UBE2QL1: variants seen among roughly 807,000 people sequenced by gnomAD.
UBE2QL1 encodes the protein ubiquitin conjugating enzyme E2 QL1, also known as ubiquitin-conjugating enzyme E2Q-like protein 1.
UBE2QL1 carries 5 observed loss-of-function variants against 12.6 expected under a neutral mutation model. The observed-to-expected ratio is 0.40, with a 90% CI of 0.21 to 0.83. UBE2QL1 has a LOEUF of 0.83. Among genes scored for constraint, UBE2QL1 ranks in the 40% least tolerant of loss-of-function variants. UBE2QL1 has a pLI of 0.37. For missense variants in UBE2QL1, 99 were observed against 222.6 expected, an observed-to-expected ratio of 0.44 and a Z score of 3.53; for synonymous variants, 96 against 94.5, an observed-to-expected ratio of 1.02 and a Z score of -0.10.
At chr5:6,466,676 T>G (rs1739802687) in intron 1 of UBE2QL1, among the ~76,000 whole-genome samples, 1 of 152,188 alleles carries the variant, frequency 6.6e-6, no homozygotes, top group African/African-American at 2.4e-5. Flanking sequence ...GTCAGGAAAG[T>G]GGACATTTTT....
chr5:6,480,611 C>T (rs1351723891), intron 1 of UBE2QL1, among the ~76,000 whole-genome samples: 3 of 152,190 alleles, frequency 2.0e-5, no homozygotes, highest in African/African-American at 4.8e-5. Flanking sequence ...CGCTTGCTTC[C>T]TCCAAGAAAG....
In UBE2QL1 at chr5:6,491,459, G is replaced by C; in HGVS notation, c.*110G>C. 2 of 1,371,864 alleles carry C rather than the reference G, an allele frequency of 1.5e-6. No individual in the cohort carries two copies. Among genetic ancestry groups the C allele is most frequent in the Non-Finnish European group, 1.9e-6 (2 of 1,043,136 alleles). The allele number at this position is 1,371,864 out of a possible 1,614,324, so 85.0% of individuals were successfully genotyped here. A position where few individuals can be genotyped will look rare whatever the true frequency, so the allele number is the denominator to read the frequency against. Reference sequence around the variant, plus strand: ...ACCCGTTTTTACTCCAGCCAGAACTGCATCCTGAATGCCCAGGAGACGTTT... The same window carrying C: ...ACCCGTTTTTACTCCAGCCAGAACTCCATCCTGAATGCCCAGGAGACGTTT... On this transcript the variant is annotated 3_prime_UTR_variant, in exon 2 of 2. Coordinates refer to ENST00000399816, the MANE Select transcript of UBE2QL1 (RefSeq NM_001145161.3).
chr5:6,464,920 G>A (rs1739753007), intron 1 of UBE2QL1, among the ~76,000 whole-genome samples: 1 of 152,038 alleles, frequency 6.6e-6, no homozygotes, highest in Admixed American at 6.5e-5. Context: ...GCACCCTCAT[G>A]TATGACTACA....
chr5:6,450,969 G>T (rs1739400556), intron 1 of UBE2QL1, among the ~76,000 whole-genome samples: 1 of 152,212 alleles, frequency 6.6e-6, no homozygotes, highest in African/African-American at 2.4e-5. Context: ...TTTCAAACAG[G>T]ATTTATACAA....
chr5:6,470,629 G>A (rs1034023138), intron 1 of UBE2QL1, among the ~76,000 whole-genome samples: 33 of 152,160 alleles, frequency 2.2e-4, no homozygotes, highest in Non-Finnish European at 4.4e-4. Context: ...AAGGTCCCTG[G>A]ACATATTCCT....
chr5:6,495,891 G>A lies in UBE2QL1; in HGVS notation c.*4542G>A, dbSNP rs76413512. The stretch of plus-strand genomic sequence containing the variant: ...GTATTAAATATCATTTTTAAGCCCA[G>A]GGCCTGTCTGATCCACAGAATGTGG... On this transcript the variant is annotated 3_prime_UTR_variant, in exon 2 of 2. Coordinates refer to ENST00000399816, the MANE Select transcript of UBE2QL1 (RefSeq NM_001145161.3). Among the ~76,000 whole-genome samples, 3,022 of 152,262 alleles carry A rather than the reference G, an allele frequency of 0.02. 92 individuals are homozygous for A. Among genetic ancestry groups the A allele is most frequent in the African/African-American group, 0.068 (2,828 of 41,524 alleles).
rs947660300 is a variant in UBE2QL1 at position 6,478,973 on chromosome 5, G to T, written c.355-12245G>T. ...CTCAGGGGCTTCATCCTTCCTAGGA[G>T]TGAGGAAGGCCAGGCCTCATGACAG... is the stretch of plus-strand genomic sequence containing the variant. On this transcript the variant is annotated intron_variant, in intron 1 of 1. Transcript: ENST00000399816. This position sits in a 1 kb window ranked among gnomAD's most constrained non-coding sequence, Gnocchi z 4.5. Among the ~76,000 whole-genome samples the T allele has an allele frequency of 1.3e-5, 2 of 152,180 alleles. No individual in the cohort carries two copies. The highest frequency in any genetic ancestry group is 2.9e-5 in the Non-Finnish European group (2 of 68,044).
intron 1 of UBE2QL1, among the ~76,000 whole-genome samples, chr5:6,469,202 A>G (rs1239266672): frequency 6.6e-6 from 1 of 152,102 alleles, no homozygotes; most frequent in Admixed American, 6.6e-5. Flanking sequence ...ATCAATTGTT[A>G]TCTTCATGTG....
chr5:6,456,004 G>A (rs1739513992), intron 1 of UBE2QL1, among the ~76,000 whole-genome samples: 1 of 152,166 alleles, frequency 6.6e-6, no homozygotes, highest in Non-Finnish European at 1.5e-5. Context: ...CCCTCGATGA[G>A]ACGCAGCTGC....
At chr5:6,488,497 T>A (rs1005808419) in intron 1 of UBE2QL1, among the ~76,000 whole-genome samples, 2 of 151,928 alleles carry the variant, frequency 1.3e-5, no homozygotes, top group Non-Finnish European at 2.9e-5. Context: ...TTGCTGTCAC[T>A]TGATGTAGAA....
intron 1 of UBE2QL1, among the ~76,000 whole-genome samples, chr5:6,474,262 C>T (rs562723673): frequency 4.6e-4 from 70 of 152,322 alleles, no homozygotes; most frequent in South Asian, 1.7e-3. Context: ...GCATGGAGCA[C>T]CCGTGCTTAG....
At chr5:6,465,122 G>A (rs1364819218) in intron 1 of UBE2QL1, among the ~76,000 whole-genome samples, 1 of 151,942 alleles carries the variant, frequency 6.6e-6, no homozygotes, top group Non-Finnish European at 1.5e-5. Flanking sequence ...GAGTATCTGG[G>A]ACCACAGGTG....
chr5:6,485,751 T>C (rs1734455827), intron 1 of UBE2QL1, among the ~76,000 whole-genome samples: 1 of 152,136 alleles, frequency 6.6e-6, no homozygotes, highest in African/African-American at 2.4e-5. Context: ...CTGTAATTCA[T>C]AGGCAAATGA....
chr5:6,461,536 A>ACCC (rs1489545549), intron 1 of UBE2QL1, among the ~76,000 whole-genome samples: 100 of 36,164 alleles, frequency 2.8e-3, no homozygotes, highest in East Asian at 9.2e-3. Flanking sequence ...GTTTTTCAGC[A>ACCC]CCCACCACCC....
rs537005822 is a variant in UBE2QL1 at position 6,490,488 on chromosome 5, C to T, written c.355-730C>T. ...AACACGCCTGGTCACTGTGAGGGAGCGTGGCCCTCTTCACTGGCCCCACCC... is the reference window on the plus strand; with the variant it reads ...AACACGCCTGGTCACTGTGAGGGAGTGTGGCCCTCTTCACTGGCCCCACCC... On this transcript the variant is annotated intron_variant, in intron 1 of 1. Coordinates refer to ENST00000399816, the MANE Select transcript of UBE2QL1 (RefSeq NM_001145161.3). Among the ~76,000 whole-genome samples, 15 of 152,318 alleles carry T rather than the reference C, an allele frequency of 9.8e-5. No homozygotes were observed. The East Asian group carries it at 1.9e-3, about 20-fold the overall frequency.
Position 6,491,089 on chromosome 5 carries a change from TG to T in UBE2QL1, c.355-127del, listed in dbSNP as rs535840312. Reference sequence around the variant, plus strand: ...GGCAGTGAGGCTGCCCCCACCCTGCTGGTGGCCAGTGCATTGCATTGATTCA... The same window carrying T: ...GGCAGTGAGGCTGCCCCCACCCTGCTGTGGCCAGTGCATTGCATTGATTCA... On this transcript the variant is annotated intron_variant, in intron 1 of 1. Coordinates refer to ENST00000399816, the MANE Select transcript of UBE2QL1 (RefSeq NM_001145161.3). 3.0e-5 allele frequency: 31 copies of T among 1,048,818 alleles called. No individual in the cohort carries two copies. In the African/African-American group the frequency reaches 4.4e-4, roughly 15 times the overall value. The allele number at this position is 1,048,818 out of a possible 1,614,324, so 65.0% of individuals were successfully genotyped here.
chr5:6,464,785 C>G (rs1739749615), intron 1 of UBE2QL1, among the ~76,000 whole-genome samples: 1 of 152,142 alleles, frequency 6.6e-6, no homozygotes, highest in South Asian at 2.1e-4. Context: ...TTCATTTGGA[C>G]TTAGAGTGCA....
intron 1 of UBE2QL1, among the ~76,000 whole-genome samples, chr5:6,452,888 G>A (rs1739437390): frequency 6.6e-6 from 1 of 152,114 alleles, no homozygotes; most frequent in Non-Finnish European, 1.5e-5. Context: ...GCTGCTTGAT[G>A]GTGCACTGAC....
chr5:6,451,376 A>G (rs1287208783), intron 1 of UBE2QL1, among the ~76,000 whole-genome samples: 1 of 152,252 alleles, frequency 6.6e-6, no homozygotes, highest in Non-Finnish European at 1.5e-5. Context: ...TGGGCAATAT[A>G]TAAAATACAC....
Sources: allele counts gnomAD v4.1 joint callset (sites outside exome capture counted in the v4.1 genomes callset), GRCh38; gene constraint gnomAD v4.1.1; non-coding constraint Gnocchi (gnomAD v3.1); transcripts MANE v1.5; gene names NCBI Gene and HGNC (gene_info 2026-07-23, HGNC 2026-07-21).